SEL1L2: variants seen among roughly 807,000 people sequenced by gnomAD.
The protein encoded by SEL1L2 is SEL1L2 adaptor subunit of SYVN1 ubiquitin ligase.
A neutral mutation model predicts 98.8 loss-of-function variants in SEL1L2; 89 were observed. The ratio of observed to expected loss-of-function variants is 0.90; its 90% CI spans 0.76 to 1.07. SEL1L2 has a LOEUF of 1.07. Ranked by LOEUF, SEL1L2 falls within the 50% of genes least tolerant of loss-of-function variation. The pLI is 0.00. For synonymous variants in SEL1L2, 262 were observed against 278.5 expected, an observed-to-expected ratio of 0.94 and a Z score of 0.59; for missense variants, 788 against 812.0, an observed-to-expected ratio of 0.97 and a Z score of 0.36.
At chr20:13,946,042 G>C (rs2049991589) in intron 2 of SEL1L2, among the ~76,000 whole-genome samples, 1 of 152,130 alleles carries the variant, frequency 6.6e-6, no homozygotes, top group Non-Finnish European at 1.5e-5. Flanking sequence ...AAGACCAAAA[G>C]CTTTTCCTCT....
chr20:13,936,988 T>C (rs540450196), intron 2 of SEL1L2, among the ~76,000 whole-genome samples: 1 of 152,376 alleles, frequency 6.6e-6, no homozygotes, highest in African/African-American at 2.4e-5. Context: ...AGCTTGTTTC[T>C]TACTACTACC....
intron 3 of SEL1L2, among the ~76,000 whole-genome samples, chr20:13,921,804 G>A (rs540966163): frequency 7.9e-5 from 12 of 152,018 alleles, no homozygotes; most frequent in Admixed American, 7.9e-4. Flanking sequence ...TTGTAGCTTT[G>A]AGAAGCAGTA....
At chr20:13,922,693 C>T (rs909415891) in intron 3 of SEL1L2, among the ~76,000 whole-genome samples, 2 of 152,136 alleles carry the variant, frequency 1.3e-5, no homozygotes, top group Non-Finnish European at 1.5e-5. Flanking sequence ...ATGATATTCA[C>T]CTCGCTCACT....
chr20:13,869,675 A>G, intron 13 of SEL1L2, 85 bp from the exon 14 acceptor site: 1 of 948,826 alleles, frequency 1.1e-6, no homozygotes, highest in Non-Finnish European at 1.7e-6. Context: ...AAAAGAGTAT[A>G]GACAGTGCCC....
chr20:13,938,083 C>CTTT (rs780844505), intron 2 of SEL1L2, among the ~76,000 whole-genome samples: 3 of 137,246 alleles, frequency 2.2e-5, no homozygotes, highest in Admixed American at 7.5e-5. Context: ...TTTTTCTTTT[C>CTTT]TTTTTTTTTT....
chr20:13,889,326 C>T (rs997335548), intron 5 of SEL1L2, among the ~76,000 whole-genome samples: 7 of 151,950 alleles, frequency 4.6e-5, no homozygotes, highest in East Asian at 1.9e-4. Flanking sequence ...CACCCTTTTA[C>T]ATTTTTATTA....
intron 4 of SEL1L2, among the ~76,000 whole-genome samples, chr20:13,917,018 G>T (rs909269470): frequency 2.0e-5 from 3 of 152,224 alleles, no homozygotes; most frequent in African/African-American, 7.2e-5. Flanking sequence ...ATGGTTACCT[G>T]GGACCTTCTC....
intron 11 of SEL1L2, among the ~76,000 whole-genome samples, chr20:13,877,054 A>T (rs181015616): frequency 2.0e-5 from 3 of 152,144 alleles, no homozygotes; most frequent in Non-Finnish European, 4.4e-5. Flanking sequence ...TGAACTCCTG[A>T]CCTCAAACAA....
At chr20:13,952,285 G>T (rs2050311176) in intron 2 of SEL1L2, among the ~76,000 whole-genome samples, 1 of 152,218 alleles carries the variant, frequency 6.6e-6, no homozygotes, top group South Asian at 2.1e-4. Flanking sequence ...AAGGAATCCA[G>T]AGGCAGACAA....
At chr20:13,952,281 T>A (rs938045946) in intron 2 of SEL1L2, among the ~76,000 whole-genome samples, 1 of 152,140 alleles carries the variant, frequency 6.6e-6, no homozygotes, top group Non-Finnish European at 1.5e-5. Context: ...ATCTAAGGAA[T>A]CCAGAGGCAG....
Position 13,886,394 on chromosome 20 carries a change from C to T in SEL1L2, c.794G>A (p.Arg265Lys), listed in dbSNP as rs1245947322. 4.3e-6 allele frequency: 7 copies of T among 1,614,014 alleles called. No homozygotes were observed. Among genetic ancestry groups the T allele is most frequent in the Non-Finnish European group, 5.9e-6 (7 of 1,179,972 alleles). ...KSEGVPVEKV[R>K]LTERPENLSS... is the part of the protein sequence containing the mutation. ...CAGATTTTCAGGTCTTTCCGTTAGT[C>T]TCACTTTTTCCACTGGAACACCTTC... The change falls in exon 9 of 20, where the codon AGA becomes AAA. Residue 265 changes from arginine to lysine, a missense_variant. Coordinates refer to ENST00000284951, the MANE Select transcript of SEL1L2 (RefSeq NM_025229.2).
Position 13,849,541 on chromosome 20 carries a change from C to A in SEL1L2, c.2011G>T (p.Val671Leu), listed in dbSNP as rs1987859791. Reference sequence around the variant, plus strand: ...AGCCCAGGAACAATGAGGCCAATCACAAATAAGTCCCAGTGTGGTCCAATG... The same window carrying A: ...AGCCCAGGAACAATGAGGCCAATCAAAAATAAGTCCCAGTGTGGTCCAATG... The part of the protein sequence containing the change: ...NTIGPHWDLF[V>L]IGLIVPGLIL... The change falls in exon 20 of 20, where the codon GTG (valine) becomes TTG (leucine). Residue 671 changes from valine to leucine, a missense_variant. Val to Leu is a conservative substitution (Grantham distance 32). Transcript: ENST00000284951. 6.2e-7 allele frequency: 1 copy of A among 1,613,994 alleles called. No homozygotes were observed. The highest frequency in any genetic ancestry group is 8.5e-7 in the Non-Finnish European group (1 of 1,179,992).
At chr20:13,935,177 A>G (rs984194540) in intron 2 of SEL1L2, among the ~76,000 whole-genome samples, 1 of 152,146 alleles carries the variant, frequency 6.6e-6, no homozygotes, top group East Asian at 1.9e-4. Context: ...CAGCGAGACC[A>G]AGTATTAGGG....
chr20:13,957,233 T>C (rs1297371713), intron 1 of SEL1L2, among the ~76,000 whole-genome samples: 1 of 152,074 alleles, frequency 6.6e-6, no homozygotes, highest in East Asian at 1.9e-4. Flanking sequence ...CCCAAGTAGC[T>C]GGGGTTACAG....
At chr20:13,857,977 T>C (rs1418406933) in intron 18 of SEL1L2, among the ~76,000 whole-genome samples, 1 of 152,174 alleles carries the variant, frequency 6.6e-6, no homozygotes, top group Non-Finnish European at 1.5e-5. Flanking sequence ...TAGCTATCCA[T>C]CCTGTCCCAT....
At chr20:13,928,808 A>G (rs937467815) in intron 3 of SEL1L2, among the ~76,000 whole-genome samples, 3 of 152,234 alleles carry the variant, frequency 2.0e-5, no homozygotes, top group African/African-American at 7.2e-5. Flanking sequence ...TAAAATGCGC[A>G]CAGTGAAGTT....
chr20:13,987,986 C>G (rs1174504685), intron 1 of SEL1L2, among the ~76,000 whole-genome samples: 3 of 152,072 alleles, frequency 2.0e-5, no homozygotes, highest in Non-Finnish European at 2.9e-5. Context: ...GTTTTGATAT[C>G]CAGTTTGGTT....
At chr20:13,905,042 G>A (rs1233667304) in intron 5 of SEL1L2, among the ~76,000 whole-genome samples, 2 of 152,060 alleles carry the variant, frequency 1.3e-5, no homozygotes, top group African/African-American at 4.8e-5. Context: ...GGGGAGGGGC[G>A]TATTCCTCAG....
chr20:13,907,542 C>T (rs980690965), intron 5 of SEL1L2, among the ~76,000 whole-genome samples: 1 of 152,086 alleles, frequency 6.6e-6, no homozygotes, highest in African/African-American at 2.4e-5. Flanking sequence ...GCACTCTAGC[C>T]TGGGCAATGG....
Sources: allele counts gnomAD v4.1 joint callset (sites outside exome capture counted in the v4.1 genomes callset), GRCh38; gene constraint gnomAD v4.1.1; transcripts MANE v1.5; gene names NCBI Gene and HGNC (gene_info 2026-07-23, HGNC 2026-07-21).